The following RYR2 variants were observed in gnomAD, a reference collection of about 807,000 sequenced individuals.
The protein encoded by RYR2 is cardiac muscle ryanodine receptor-calcium release channel.
Under a neutral mutation model 601.1 loss-of-function variants are expected in RYR2, and 227 were observed. The ratio of observed to expected loss-of-function variants is 0.38; its 90% CI spans 0.34 to 0.42. The LOEUF (loss-of-function observed/expected upper bound fraction) is 0.42. Ranked by LOEUF, RYR2 falls within the 10% of genes least tolerant of loss-of-function variation. RYR2 has a pLI of 1.00. For missense variants in RYR2, 4,646 were observed against 6,156.5 expected (o/e 0.75, Z 8.21); for synonymous variants, 2,223 against 2,175.1 (o/e 1.02, Z -0.61).
At chr1:237,363,084 T>TAA (rs56947411) in intron 4 of RYR2, among the ~76,000 whole-genome samples, 35 of 146,746 alleles carry the variant, frequency 2.4e-4, no homozygotes, top group South Asian at 1.3e-3. Flanking sequence ...CTAGCTTAAT[T>TAA]AAAAAAAAAA....
chr1:237,434,560 C>T (rs1485006630), intron 12 of RYR2, among the ~76,000 whole-genome samples: 1 of 152,236 alleles, frequency 6.6e-6, no homozygotes, highest in East Asian at 1.9e-4. Context: ...AATCATAAGG[C>T]AGGTCTTGCC....
chr1:237,253,038 G>A (rs759702358), intron 1 of RYR2, among the ~76,000 whole-genome samples: 2 of 151,764 alleles, frequency 1.3e-5, no homozygotes, highest in Admixed American at 1.3e-4. Context: ...GGTGGTACAC[G>A]CCTGTAATCC....
chr1:237,242,312 C>T (rs2149239234), intron 1 of RYR2, among the ~76,000 whole-genome samples: 1 of 151,464 alleles, frequency 6.6e-6, no homozygotes, highest in East Asian at 1.9e-4. Context: ...ATCTAGTATA[C>T]CTTCTTCACA....
intron 29 of RYR2, among the ~76,000 whole-genome samples, chr1:237,581,381 C>T (rs139076389): frequency 0.018 from 2,801 of 152,186 alleles, 35 homozygotes; most frequent in Non-Finnish European, 0.025. Flanking sequence ...AAATTGAATT[C>T]CTGGTCCTCT....
intron 1 of RYR2, among the ~76,000 whole-genome samples, chr1:237,171,023 G>A (rs1028477525): frequency 4.6e-5 from 7 of 151,906 alleles, no homozygotes; most frequent in Non-Finnish European, 7.4e-5. Context: ...CCATGAGGTC[G>A]GGAGATCGAG....
chr1:237,510,240 T>C (rs922331639), intron 23 of RYR2, among the ~76,000 whole-genome samples: 2 of 152,054 alleles, frequency 1.3e-5, no homozygotes, highest in African/African-American at 4.8e-5. Flanking sequence ...TTACAGGAGA[T>C]GTTTTGGTGT....
chr1:237,279,179 A>G lies in RYR2; in HGVS notation c.168+8563A>G, dbSNP rs930528537. 1.4e-4 allele frequency among the ~76,000 whole-genome samples: 22 copies of G among 152,214 alleles called. 1 individual carries two copies. Among genetic ancestry groups the G allele is most frequent in the Admixed American group, 3.9e-4 (6 of 15,272 alleles). ...ATCATAAGAAAAGCGGGCTAAATAA[A>G]ACTGCCTTTACACTTTTCTGAAGGA... is the stretch of plus-strand genomic sequence containing the variant. On this transcript the variant is annotated intron_variant, in intron 2 of 104. Coordinates refer to ENST00000366574, the MANE Select transcript of RYR2 (RefSeq NM_001035.3).
intron 89 of RYR2, among the ~76,000 whole-genome samples, chr1:237,783,244 A>T (rs1695272808): frequency 6.6e-6 from 1 of 152,232 alleles, no homozygotes; most frequent in African/African-American, 2.4e-5. Context: ...CGGTAAAATT[A>T]GGGTTAACAA....
At position 237,445,467 on chromosome 1, in the gene RYR2, T is replaced by C. The variant is rs761436126; in HGVS notation, c.1237T>C (p.Ser413Pro). The C allele has an allele frequency of 6.2e-7, 1 of 1,613,800 alleles. No individual in the cohort carries two copies. The highest frequency in any genetic ancestry group is 8.5e-7 in the Non-Finnish European group (1 of 1,179,736). ...ISLSRSQHEE[S>P]RTARVIRSTV... Reference sequence around the variant, plus strand: ...TTTGTCGAGATCCCAGCATGAAGAATCACGCACAGCCCGAGTTATCCGGAG... The same window carrying C: ...TTTGTCGAGATCCCAGCATGAAGAACCACGCACAGCCCGAGTTATCCGGAG... Residue 413 changes from serine to proline, a missense_variant, in exon 14 of 105, where the codon TCA becomes CCA. This residue lies in a region of RYR2 where 1,807 missense variants were observed against 2,088.1 expected (regional missense o/e 0.87). Transcript: ENST00000366574.
intron 1 of RYR2, among the ~76,000 whole-genome samples, chr1:237,209,994 G>A (rs667363): frequency 0.72 from 109,840 of 152,124 alleles, 43,013 homozygotes; most frequent in East Asian, 0.98. Context: ...AAAATTTGGA[G>A]AACACAACAA....
chr1:237,267,677 C>T (rs1295513000), intron 1 of RYR2: 1 of 213,942 alleles, frequency 4.7e-6, no homozygotes, highest in Non-Finnish European at 1.0e-5. Context: ...ACAATCAGCC[C>T]CACTCAAGAC....
At chr1:237,368,250 A>T (rs980214068) in intron 5 of RYR2, among the ~76,000 whole-genome samples, 4 of 152,258 alleles carry the variant, frequency 2.6e-5, no homozygotes, top group Non-Finnish European at 5.9e-5. Flanking sequence ...TTAAATTATA[A>T]CATCAATACA....
At chr1:237,544,079 ATGT>A (rs201265759) in intron 25 of RYR2, among the ~76,000 whole-genome samples, 1,988 of 152,276 alleles carry the variant, frequency 0.013, 15 homozygotes, top group Non-Finnish European at 0.018. Context: ...ATTACTCTCA[ATGT>A]TGTTGTTTTA....
At chr1:237,635,935 C>T (rs1196209624) in intron 44 of RYR2, among the ~76,000 whole-genome samples, 1 of 152,198 alleles carries the variant, frequency 6.6e-6, no homozygotes, top group Non-Finnish European at 1.5e-5. Context: ...ACCATCGTGG[C>T]TCTTTGTAGG....
chr1:237,751,465 A>G (rs1692531278), intron 80 of RYR2, among the ~76,000 whole-genome samples: 1 of 152,196 alleles, frequency 6.6e-6, no homozygotes, highest in Non-Finnish European at 1.5e-5. Flanking sequence ...AATTGTGTCA[A>G]CTGGACCCTG....
chr1:237,303,964 T>A (rs1272734316), intron 2 of RYR2, among the ~76,000 whole-genome samples: 2 of 152,210 alleles, frequency 1.3e-5, no homozygotes, highest in Non-Finnish European at 2.9e-5. Flanking sequence ...TGTGTAAATT[T>A]TCTGTCGGGT....
intron 29 of RYR2, among the ~76,000 whole-genome samples, chr1:237,589,308 AG>A (rs1219958886): frequency 1.3e-5 from 2 of 152,190 alleles, no homozygotes; most frequent in Admixed American, 1.3e-4. Flanking sequence ...TTTTTTCTTG[AG>A]CTATGTATGA....
At chr1:237,440,040 G>A (rs1020819879) in intron 12 of RYR2, among the ~76,000 whole-genome samples, 1 of 152,122 alleles carries the variant, frequency 6.6e-6, no homozygotes, top group African/African-American at 2.4e-5. Flanking sequence ...TTTGCATAAT[G>A]ATTGAATCAA....
intron 19 of RYR2, among the ~76,000 whole-genome samples, chr1:237,494,483 G>A (rs1373814431): frequency 2.0e-5 from 3 of 152,136 alleles, no homozygotes; most frequent in Non-Finnish European, 4.4e-5. Flanking sequence ...TGCCCACCCA[G>A]ATTGAGGATG....
Sources: gnomAD v4.1 joint callset for allele counts (sites outside exome capture counted in the v4.1 genomes callset) on GRCh38, gnomAD v4.1.1 for gene constraint, gnomAD v4.1.1 regional missense constraint, MANE v1.5 for transcripts, NCBI Gene and HGNC (gene_info 2026-07-23, HGNC 2026-07-21) for gene names.